The following DICER1 variants were observed in gnomAD, a reference collection of about 807,000 sequenced individuals.
The protein encoded by DICER1 is endoribonuclease Dicer.
DICER1 carries 43 observed loss-of-function variants against 194.1 expected under a neutral mutation model. That is an observed-to-expected ratio of 0.22 (90% CI 0.17 to 0.29). DICER1 has a LOEUF of 0.29. DICER1 is among the 10% of genes least tolerant of loss of function. DICER1 has a pLI of 1.00. For missense variants in DICER1, 1,608 were observed against 2,317.0 expected (o/e 0.69, Z 6.28); for synonymous variants, 832 against 820.5 (o/e 1.01, Z -0.24).
intron 21 of DICER1, among the ~76,000 whole-genome samples, chr14:95,102,655 T>G (rs1166109987): frequency 6.6e-6 from 1 of 151,672 alleles, no homozygotes; most frequent in Non-Finnish European, 1.5e-5. Flanking sequence ...AAGGTATTTG[T>G]CCAGGAGGCT....
intron 11 of DICER1, among the ~76,000 whole-genome samples, chr14:95,115,215 T>C (rs1207085797): frequency 1.3e-5 from 2 of 152,238 alleles, no homozygotes; most frequent in African/African-American, 4.8e-5. Context: ...AATCCAGGAA[T>C]GCATTTGCTG....
intron 1 of DICER1, among the ~76,000 whole-genome samples, chr14:95,148,730 G>A (rs1895307395): frequency 6.6e-6 from 1 of 152,254 alleles, no homozygotes. Flanking sequence ...CCAAAGGTCC[G>A]CTTACTTCTT....
chr14:95,117,305 A>G (rs1287873975), intron 9 of DICER1, among the ~76,000 whole-genome samples: 1 of 152,180 alleles, frequency 6.6e-6, no homozygotes, highest in Non-Finnish European at 1.5e-5. Context: ...TATGGAATGT[A>G]CAAGAGTTAA....
chr14:95,126,634 A>G lies in DICER1; in HGVS notation c.849T>C (p.Asp283=). ...ELEEALNFIN[D]CNISVHSKER... is the part of the protein sequence containing the mutation. ...CTTTTGAATGTACAGATATATTACA[A>G]TCATTGATAAAATTAAGTGCTTCTT... The change falls in exon 7 of 27, where the codon GAT becomes GAC. Residue 283 remains aspartate, a synonymous_variant. Transcript: ENST00000343455. The G allele has an allele frequency of 6.4e-7, 1 of 1,567,714 alleles. No homozygotes were observed. Among genetic ancestry groups the G allele is most frequent in the African/African-American group, 1.4e-5 (1 of 74,018 alleles).
chr14:95,120,108 A>T (rs1004357312), intron 8 of DICER1, among the ~76,000 whole-genome samples: 1 of 152,238 alleles, frequency 6.6e-6, no homozygotes, highest in African/African-American at 2.4e-5. Context: ...AGGAAAAGAA[A>T]TTCAAAGATA....
intron 8 of DICER1, among the ~76,000 whole-genome samples, chr14:95,118,118 G>A (rs775802028): frequency 1.3e-5 from 2 of 152,094 alleles, no homozygotes; most frequent in African/African-American, 2.4e-5. Context: ...GGGACAGGAC[G>A]TCCAATGAAA....
intron 11 of DICER1, 37 bp downstream of exon 11, chr14:95,115,630 T>C (rs1892370127): frequency 6.2e-7 from 1 of 1,611,884 alleles, no homozygotes; most frequent in Admixed American, 1.7e-5. Context: ...CTGTGCAACA[T>C]TCCCAGGTTT....
intron 10 of DICER1, 128 bp downstream of exon 10, chr14:95,116,325 C>T (rs1218684968): frequency 1.7e-6 from 2 of 1,157,532 alleles, no homozygotes; most frequent in South Asian, 1.4e-5. Context: ...ACACAGAGTA[C>T]ACCTCTTTTG....
At chr14:95,094,258 T>C (rs1194207372) in intron 23 of DICER1, 102 bp from the exon 24 acceptor site, 11 of 1,417,824 alleles carry the variant, frequency 7.8e-6, no homozygotes, top group Non-Finnish European at 1.1e-5. Flanking sequence ...GTATTTACAA[T>C]CATTTTCATA....
At chr14:95,151,792 G>A (rs138106034) in intron 1 of DICER1, among the ~76,000 whole-genome samples, 169 of 152,334 alleles carry the variant, frequency 1.1e-3, no homozygotes, top group African/African-American at 3.8e-3. Flanking sequence ...CAGGCTGTGA[G>A]TTCATCATGT....
Position 95,108,031 on chromosome 14 carries a change from C to T in DICER1, c.2499G>A (p.Lys833=). Residue 833 remains lysine (K), a synonymous_variant, in exon 16 of 27, where the codon AAG becomes AAA. Coordinates refer to ENST00000343455, the MANE Select transcript of DICER1 (RefSeq NM_177438.3). ...TTTGTAGAGACAACATGAAACCAGACTTCTTCAACTCAATGGATATGGTAA... is the reference window on the plus strand; with the variant it reads ...TTTGTAGAGACAACATGAAACCAGATTTCTTCAACTCAATGGATATGGTAA... The part of the protein sequence containing the change: ...GEVTISIELK[K]SGFMLSLQML... The T allele has an allele frequency of 1.9e-6, 3 of 1,613,880 alleles. No individual in the cohort carries two copies. Among genetic ancestry groups the T allele is most frequent in the Non-Finnish European group, 2.5e-6 (3 of 1,179,808 alleles).
At chr14:95,129,742 A>T in intron 5 of DICER1, 110 bp from the exon 6 acceptor site, 1 of 1,071,514 alleles carries the variant, frequency 9.3e-7, no homozygotes, top group African/African-American at 1.6e-5. Flanking sequence ...AGTAAAAAAG[A>T]ATTTGTTTGG....
chr14:95,094,472 G>A (rs1890134448), intron 23 of DICER1, among the ~76,000 whole-genome samples: 1 of 152,186 alleles, frequency 6.6e-6, no homozygotes, highest in Non-Finnish European at 1.5e-5. Context: ...CTGGCACTGT[G>A]CTGTCTGGGC....
chr14:95,111,953 C>T (rs1278144309), intron 13 of DICER1, among the ~76,000 whole-genome samples: 1 of 152,130 alleles, frequency 6.6e-6, no homozygotes, highest in Non-Finnish European at 1.5e-5. Context: ...AAATAAATGA[C>T]AGTTGTTTGC....
intron 1 of DICER1, among the ~76,000 whole-genome samples, chr14:95,155,788 C>A (rs1343289446): frequency 6.6e-6 from 1 of 152,090 alleles, no homozygotes; most frequent in Non-Finnish European, 1.5e-5. Flanking sequence ...TTTATAGTGA[C>A]CATGTTAAAA....
intron 22 of DICER1, among the ~76,000 whole-genome samples, chr14:95,097,014 C>T (rs1890416625): frequency 6.6e-6 from 1 of 152,132 alleles, no homozygotes; most frequent in Non-Finnish European, 1.5e-5. Flanking sequence ...TTAATGTCCA[C>T]AATGCAAAAC....
intron 21 of DICER1, among the ~76,000 whole-genome samples, chr14:95,101,630 C>T (rs1328282282): frequency 6.6e-6 from 1 of 152,200 alleles, no homozygotes; most frequent in Non-Finnish European, 1.5e-5. Flanking sequence ...ACTGCCACTG[C>T]CCCCAAGTTG....
At position 95,107,831 on chromosome 14, in the gene DICER1, T is replaced by C. The variant is rs1293710115; in HGVS notation, c.2650+49A>G. ...AGATAAGTTTCATACCAAAGCTGTA[T>C]GTTTGTATATGTGTCTAGAGTTATC... On this transcript the variant is annotated intron_variant, in intron 16 of 26. Transcript: ENST00000343455. 3.1e-6 allele frequency: 5 copies of C among 1,608,148 alleles called. No homozygotes were observed. The East Asian group carries it at 6.7e-5, about 22-fold the overall frequency.
rs114861074 is a variant in DICER1 at position 95,094,011 on chromosome 14, C to T, written c.5241G>A (p.Ser1747=). Residue 1747 remains serine (S), a synonymous_variant, in exon 24 of 27, where the codon TCG becomes TCA. Coordinates refer to ENST00000343455, the MANE Select transcript of DICER1 (RefSeq NM_177438.3). Reference sequence around the variant, plus strand: ...TGTGGTAGTCGTACTTTACAGCCAGCGATGCAAAGATGGTGTTGTTGACCA... The same window carrying T: ...TGTGGTAGTCGTACTTTACAGCCAGTGATGCAAAGATGGTGTTGTTGACCA... ...SALVNNTIFA[S]LAVKYDYHKY... The T allele has an allele frequency of 1.1e-3, 1,790 of 1,614,096 alleles. 11 individuals carry two copies. In the African/African-American group the frequency reaches 0.019, roughly 17 times the overall value.
Sources: allele counts gnomAD v4.1 joint callset (sites outside exome capture counted in the v4.1 genomes callset), GRCh38; gene constraint gnomAD v4.1.1; transcripts MANE v1.5; gene names NCBI Gene and HGNC (gene_info 2026-07-23, HGNC 2026-07-21).